COL15A1: variants seen among roughly 807,000 people sequenced by gnomAD.
The protein encoded by COL15A1 is collagen alpha-1(XV) chain.
In COL15A1, 111 loss-of-function variants were observed where a neutral mutation model predicts 165.9. The observed-to-expected ratio is 0.67, with a 90% CI of 0.57 to 0.78. COL15A1 has a LOEUF of 0.78. Among genes scored for constraint, COL15A1 ranks in the 30% least tolerant of loss-of-function variants. The probability of loss-of-function intolerance (pLI) is 0.00; values close to 1 mark genes in which losing one functional copy is unlikely to be tolerated. For synonymous variants in COL15A1, 659 were observed against 674.8 expected (o/e 0.98, Z 0.36); for missense variants, 1,745 against 1,789.7 (o/e 0.98, Z 0.45).
chr9:98,953,476 A>T (rs996761842), intron 2 of COL15A1, among the ~76,000 whole-genome samples: 2 of 151,918 alleles, frequency 1.3e-5, no homozygotes, highest in Middle Eastern at 3.4e-3. Flanking sequence ...AATTCAACCC[A>T]CCTAATCCAA....
At position 99,049,710 on chromosome 9, in the gene COL15A1, C is replaced by A. The variant is rs1564084698; in HGVS notation, c.2814C>A (p.Gly938=). 6.2e-7 allele frequency: 1 copy of A among 1,613,750 alleles called. No homozygotes were observed. Among genetic ancestry groups the A allele is most frequent in the Admixed American group, 1.7e-5 (1 of 60,022 alleles). The change falls in exon 29 of 42, where the codon GGC becomes GGA. Residue 938 remains glycine, a synonymous_variant. Coordinates refer to ENST00000375001, the MANE Select transcript of COL15A1 (RefSeq NM_001855.5). ...VIMQGPPGLP[G]PPGPPGPPGA... ...TTCAGGGCCCACCTGGCTTACCTGG[C>A]CCTCCAGGCCCCCCTGGGCCACCTG...
chr9:99,044,809 T>C, intron 26 of COL15A1, 39 bp downstream of exon 26: 1 of 1,576,024 alleles, frequency 6.3e-7, no homozygotes, highest in Non-Finnish European at 8.7e-7. Context: ...TGGGCTGGGG[T>C]TTGAAGCATT....
chr9:99,054,087 TTC>T (rs1199078254), intron 31 of COL15A1, among the ~76,000 whole-genome samples: 20 of 152,366 alleles, frequency 1.3e-4, no homozygotes, highest in African/African-American at 3.4e-4. Context: ...ATGGTGGGCA[TTC>T]TCACAACTTT....
At chr9:98,944,977 G>C (rs1203939654) in intron 2 of COL15A1, among the ~76,000 whole-genome samples, 1 of 152,140 alleles carries the variant, frequency 6.6e-6, no homozygotes, top group Non-Finnish European at 1.5e-5. Context: ...AGTGATCTTG[G>C]GCAATGGATT....
chr9:98,957,458 G>A (rs967116251), intron 2 of COL15A1, among the ~76,000 whole-genome samples: 1 of 152,180 alleles, frequency 6.6e-6, no homozygotes, highest in African/African-American at 2.4e-5. Flanking sequence ...TAAGTTTGTG[G>A]TAGTTTGTTA....
In COL15A1 at chr9:99,003,473, G is replaced by A. The variant is rs142437738; in HGVS notation, c.1086G>A (p.Ala362=). The change falls in exon 8 of 42, where the codon GCG becomes GCA. Residue 362 remains alanine (A), a synonymous_variant. Coordinates refer to ENST00000375001, the MANE Select transcript of COL15A1 (RefSeq NM_001855.5). ...AEEKNLAATA[A]GLAEVPISTA... ...TTCAGAATTTAGCAGCAACAGCAGC[G>A]GGGCTGGCCGAGGTGCCCATCAGCA... is the stretch of plus-strand genomic sequence containing the variant. 35 of 1,526,182 alleles carry A rather than the reference G, an allele frequency of 2.3e-5. No individual in the cohort carries two copies. The highest frequency in any genetic ancestry group is 1.7e-4 in the African/African-American group (12 of 71,248). The allele number at this position is 1,526,182 out of a possible 1,614,324, so 94.5% of individuals were successfully genotyped here. A position where few individuals can be genotyped will look rare whatever the true frequency, so the allele number is the denominator to read the frequency against.
At chr9:99,066,830 G>A (rs1381258840) in intron 39 of COL15A1, 52 bp from the exon 40 acceptor site, 4 of 1,522,842 alleles carry the variant, frequency 2.6e-6, no homozygotes, top group Middle Eastern at 2.3e-4. Flanking sequence ...GGTTCTGGGG[G>A]CTGGAGTTTG....
intron 3 of COL15A1, among the ~76,000 whole-genome samples, chr9:98,986,980 G>A (rs1156269306): frequency 1.3e-5 from 2 of 152,080 alleles, no homozygotes; most frequent in Non-Finnish European, 2.9e-5. Flanking sequence ...AGGGAGATGT[G>A]CGTTTCAGGG....
intron 16 of COL15A1, among the ~76,000 whole-genome samples, chr9:99,029,751 C>A (rs1241673587): frequency 5.9e-5 from 9 of 151,976 alleles, no homozygotes; most frequent in Admixed American, 5.9e-4. Flanking sequence ...TGGCGAAACC[C>A]CATCTCTACT....
intron 19 of COL15A1, 47 bp from the exon 20 acceptor site, chr9:99,036,123 G>A (rs1198466280): frequency 6.8e-7 from 1 of 1,476,124 alleles, no homozygotes; most frequent in Non-Finnish European, 9.5e-7. Flanking sequence ...CTAGATGGAG[G>A]TGAGCAAAGT....
intron 11 of COL15A1, among the ~76,000 whole-genome samples, chr9:99,020,025 T>G (rs923365210): frequency 6.6e-6 from 1 of 152,206 alleles, no homozygotes; most frequent in Non-Finnish European, 1.5e-5. Flanking sequence ...AAGGACTGAC[T>G]AATAGATCTT....
At chr9:99,039,962 C>T (rs1298257658) in intron 22 of COL15A1, among the ~76,000 whole-genome samples, 2 of 152,172 alleles carry the variant, frequency 1.3e-5, no homozygotes, top group Non-Finnish European at 2.9e-5. Context: ...CTAGTGCTGC[C>T]CCAAGATTCC....
chr9:98,950,564 C>A (rs1837667684), intron 2 of COL15A1, among the ~76,000 whole-genome samples: 1 of 98,332 alleles, frequency 1.0e-5, no homozygotes, highest in Non-Finnish European at 2.1e-5. Flanking sequence ...TCCTTCCTTC[C>A]TTCCTTCCTT....
At position 99,040,543 on chromosome 9, in the gene COL15A1, T is replaced by G; in HGVS notation, c.2498T>G (p.Leu833Arg). ...CAGGGGCCGGACGGGTTGCCTGGGC[T>G]GCCAGGATTTCCAGTAAGTACCACC... The part of the protein sequence containing the change: ...GPPGPDGLPG[L>R]PGFPGPRGPK... The change falls in exon 23 of 42, where the codon CTG becomes CGG. Residue 833 changes from leucine (L) to arginine (R), a missense_variant. Transcript: ENST00000375001. 6.2e-7 allele frequency: 1 copy of G among 1,614,214 alleles called. No individual in the cohort carries two copies. The highest frequency in any genetic ancestry group is 8.5e-7 in the Non-Finnish European group (1 of 1,180,030).
chr9:98,966,003 C>T (rs1042697658), intron 2 of COL15A1, among the ~76,000 whole-genome samples: 13 of 152,192 alleles, frequency 8.5e-5, no homozygotes, highest in Admixed American at 3.9e-4. Flanking sequence ...CCCAGCCCAG[C>T]GCCAAGTCCA....
At chr9:99,034,619 T>G in intron 17 of COL15A1, 35 bp downstream of exon 17, 1 of 1,427,910 alleles carries the variant, frequency 7.0e-7, no homozygotes, top group African/African-American at 1.8e-5. Flanking sequence ...AAAAAAGAAC[T>G]TTCTTCTCCC....
At chr9:99,007,320 T>A (rs1838779505) in intron 9 of COL15A1, among the ~76,000 whole-genome samples, 1 of 152,250 alleles carries the variant, frequency 6.6e-6, no homozygotes, top group South Asian at 2.1e-4. Flanking sequence ...AGGAATAGCA[T>A]GGGAGGCCGT....
chr9:98,963,243 A>AT (rs201132462), intron 2 of COL15A1, among the ~76,000 whole-genome samples: 21 of 151,200 alleles, frequency 1.4e-4, no homozygotes, highest in South Asian at 6.3e-4. Flanking sequence ...GGTAGCTAGG[A>AT]CCCACTGGGC....
chr9:99,068,591 T>C lies in COL15A1; in HGVS notation c.3874T>C (p.Ser1292Pro). 1 of 1,545,896 alleles carries C rather than the reference T, an allele frequency of 6.5e-7. No homozygotes were observed. Among genetic ancestry groups the C allele is most frequent in the Non-Finnish European group, 8.6e-7 (1 of 1,156,386 alleles). The change falls in exon 41 of 42, where the codon TCT (serine) becomes CCT (proline). Residue 1292 changes from serine (S) to proline (P), a missense_variant. Coordinates refer to ENST00000375001, the MANE Select transcript of COL15A1 (RefSeq NM_001855.5). ...VLFNNWDSIF[S>P]GHGGQFNMHI... The stretch of plus-strand genomic sequence containing the variant: ...TTTTAATAATTGGGACTCAATTTTT[T>C]CTGGCCACGGAGGTCAGTTCAATAT...
Sources: allele counts gnomAD v4.1 joint callset (sites outside exome capture counted in the v4.1 genomes callset), GRCh38; gene constraint gnomAD v4.1.1; transcripts MANE v1.5; gene names NCBI Gene and HGNC (gene_info 2026-07-23, HGNC 2026-07-21).